Variants in AGAP1 observed in about 807,000 individuals in gnomAD.
The protein encoded by AGAP1 is ArfGAP with GTPase domain, ankyrin repeat and PH domain 1.
In AGAP1, 29 loss-of-function variants were observed where a neutral mutation model predicts 105.3. The ratio of observed to expected loss-of-function variants is 0.28; its 90% CI spans 0.21 to 0.38. The LOEUF is 0.38. AGAP1 is among the 10% of genes least tolerant of loss of function. The pLI is 1.00. For missense variants in AGAP1, 998 were observed against 1,165.1 expected, an observed-to-expected ratio of 0.86 and a Z score of 2.09; for synonymous variants, 509 against 485.9, an observed-to-expected ratio of 1.05 and a Z score of -0.63.
intron 9 of AGAP1, among the ~76,000 whole-genome samples, chr2:235,815,688 A>G (rs779979313): frequency 3.3e-5 from 5 of 152,128 alleles, no homozygotes; most frequent in African/African-American, 4.8e-5. Flanking sequence ...AAAAAGAAAA[A>G]CTTACTTGAA....
chr2:235,671,583 C>T (rs1433049152), intron 1 of AGAP1, among the ~76,000 whole-genome samples: 1 of 152,240 alleles, frequency 6.6e-6, no homozygotes, highest in Non-Finnish European at 1.5e-5. Flanking sequence ...CGGTATTGAG[C>T]TGGCTGTAAG....
At chr2:235,657,107 T>C (rs1947798199) in intron 1 of AGAP1, among the ~76,000 whole-genome samples, 1 of 152,242 alleles carries the variant, frequency 6.6e-6, no homozygotes, top group South Asian at 2.1e-4. Flanking sequence ...AATTGAGCCA[T>C]GAGGGACTCT....
Position 236,051,703 on chromosome 2 carries a change from G to C in AGAP1, c.2114+2422G>C, listed in dbSNP as rs558790225. ...CTGGCACCTTAAAAGCGACCCTGGG[G>C]GCAGGGGAGAGGGGAAGGGTTTGTC... is the stretch of plus-strand genomic sequence containing the variant. On this transcript the variant is annotated intron_variant, in intron 16 of 17. Transcript: ENST00000304032. The surrounding 1 kb of genome is among the most constrained non-coding windows in gnomAD (Gnocchi z 5.9). Among the ~76,000 whole-genome samples the C allele has an allele frequency of 6.6e-6, 1 of 152,320 alleles. No individual in the cohort carries two copies. Among genetic ancestry groups the C allele is most frequent in the South Asian group, 2.1e-4 (1 of 4,826 alleles).
At chr2:235,938,094 G>C (rs773193612) in intron 12 of AGAP1, among the ~76,000 whole-genome samples, 1 of 152,242 alleles carries the variant, frequency 6.6e-6, no homozygotes, top group Non-Finnish European at 1.5e-5. Context: ...TCCGCCTGGC[G>C]GCACGGCCGG....
intron 1 of AGAP1, among the ~76,000 whole-genome samples, chr2:235,571,377 C>T (rs1944508819): frequency 6.6e-6 from 1 of 152,184 alleles, no homozygotes; most frequent in African/African-American, 2.4e-5. Context: ...AGCCACAGGC[C>T]ACTTGTGGCT....
At chr2:235,829,959 T>G (rs1959201558) in intron 9 of AGAP1, among the ~76,000 whole-genome samples, 2 of 152,110 alleles carry the variant, frequency 1.3e-5, no homozygotes, top group South Asian at 4.2e-4. Context: ...CCGGCACATC[T>G]GGACATGGAC....
chr2:235,895,318 C>G (rs924859193), intron 10 of AGAP1, among the ~76,000 whole-genome samples: 1 of 150,904 alleles, frequency 6.6e-6, no homozygotes, highest in African/African-American at 2.4e-5. Context: ...GATGTCCGTG[C>G]CCCTGCTCTT....
In AGAP1 at chr2:235,608,117, T is replaced by C. The variant is rs1946008022; in HGVS notation, c.164-101062T>C. ...GCACGTTGACCGGGTCGTTTTTAGC[T>C]TTGCCCACTTTTCATTTTTGGCTTC... On this transcript the variant is annotated intron_variant, in intron 1 of 17. Coordinates refer to ENST00000304032, the MANE Select transcript of AGAP1 (RefSeq NM_001037131.3). This position sits in a 1 kb window ranked among gnomAD's most constrained non-coding sequence, Gnocchi z 5.4. Among the ~76,000 whole-genome samples the C allele has an allele frequency of 6.6e-6, 1 of 152,066 alleles. No individual in the cohort carries two copies. The highest frequency in any genetic ancestry group is 2.1e-4 in the South Asian group (1 of 4,816).
In AGAP1 at chr2:235,883,117, T is replaced by C. The variant is rs969071359; in HGVS notation, c.1051-228T>C. Among the ~76,000 whole-genome samples the C allele has an allele frequency of 6.6e-6, 1 of 152,130 alleles. No individual in the cohort carries two copies. The highest frequency in any genetic ancestry group is 1.5e-5 in the Non-Finnish European group (1 of 68,024). ...TTCTTTAAAACATTATACCTTTAGG[T>C]GTTTCCTGTGTGTTTAGCAGTTAAT... On this transcript the variant is annotated intron_variant, in intron 9 of 17. Transcript: ENST00000304032. This position sits in a 1 kb window ranked among gnomAD's most constrained non-coding sequence, Gnocchi z 4.5.
chr2:235,918,369 C>T (rs897433360), intron 11 of AGAP1, among the ~76,000 whole-genome samples: 21 of 152,178 alleles, frequency 1.4e-4, no homozygotes, highest in African/African-American at 4.8e-4. Flanking sequence ...GTTTTAATGT[C>T]TATTTGACAA....
chr2:235,556,325 C>T lies in AGAP1; in HGVS notation c.163+61476C>T, dbSNP rs567360041. ...CCCCTTTGTCCTTGGCCTATACCTG[C>T]CTTCTGCATTCTGGGGCTACCCTTT... On this transcript the variant is annotated intron_variant, in intron 1 of 17. Coordinates refer to ENST00000304032, the MANE Select transcript of AGAP1 (RefSeq NM_001037131.3). This position sits in a 1 kb window ranked among gnomAD's most constrained non-coding sequence, Gnocchi z 5.3. Among the ~76,000 whole-genome samples, 1 of 152,364 alleles carries T rather than the reference C, an allele frequency of 6.6e-6. No individual in the cohort carries two copies. The highest frequency in any genetic ancestry group is 2.1e-4 in the South Asian group (1 of 4,830).
At position 235,793,501 on chromosome 2, in the gene AGAP1, G is replaced by T. The variant is rs1957098526; in HGVS notation, c.674-4258G>T. Among the ~76,000 whole-genome samples the T allele has an allele frequency of 6.6e-6, 1 of 152,200 alleles. No individual in the cohort carries two copies. The highest frequency in any genetic ancestry group is 1.5e-5 in the Non-Finnish European group (1 of 68,044). ...TGGCAGGGTGTTCGATTGCCACATG[G>T]TGGTGTCATGAGCAGTCCCAGAGCC... On this transcript the variant is annotated intron_variant, in intron 6 of 17. Coordinates refer to ENST00000304032, the MANE Select transcript of AGAP1 (RefSeq NM_001037131.3). This position sits in a 1 kb window ranked among gnomAD's most constrained non-coding sequence, Gnocchi z 5.3.
intron 16 of AGAP1, among the ~76,000 whole-genome samples, chr2:236,057,315 G>C (rs946718981): frequency 6.6e-6 from 1 of 152,142 alleles, no homozygotes; most frequent in Non-Finnish European, 1.5e-5. Context: ...CAACGTGTTA[G>C]CCAGGCTGGT....
rs1159670697 is a variant in AGAP1 at position 235,865,317 on chromosome 2, A to G, written c.1051-18028A>G. Among the ~76,000 whole-genome samples the G allele has an allele frequency of 6.6e-6, 1 of 152,172 alleles. No homozygotes were observed. Among genetic ancestry groups the G allele is most frequent in the Non-Finnish European group, 1.5e-5 (1 of 68,030 alleles). On this transcript the variant is annotated intron_variant, in intron 9 of 17. Transcript: ENST00000304032. The surrounding 1 kb of genome is among the most constrained non-coding windows in gnomAD (Gnocchi z 6.2). Reference sequence around the variant, plus strand: ...CAGTGAGGTAGGAATAGACGCGGCTAATGACAGGAAGGTCGCGCGGGTGAG... The same window carrying G: ...CAGTGAGGTAGGAATAGACGCGGCTGATGACAGGAAGGTCGCGCGGGTGAG...
rs1949737924 is a variant in AGAP1 at position 235,691,596 on chromosome 2, TC to T, written c.164-17580del. On this transcript the variant is annotated intron_variant, in intron 1 of 17. Transcript: ENST00000304032. The surrounding 1 kb of genome is among the most constrained non-coding windows in gnomAD (Gnocchi z 4.4). ...ATTTGTGGATGTGAGCACAGCCAGG[TC>T]CCATGTTGACAAGTGCTGGACAGTG... Among the ~76,000 whole-genome samples the T allele has an allele frequency of 2.6e-5, 4 of 152,342 alleles. No individual in the cohort carries two copies. In the South Asian group the frequency reaches 8.3e-4, roughly 32 times the overall value.
chr2:235,592,240 C>T (rs1376854465), intron 1 of AGAP1, among the ~76,000 whole-genome samples: 2 of 152,164 alleles, frequency 1.3e-5, no homozygotes, highest in Non-Finnish European at 2.9e-5. Flanking sequence ...CTGCCCTGGC[C>T]ACCTGGATGC....
At chr2:235,913,702 G>A (rs576767986) in intron 11 of AGAP1, among the ~76,000 whole-genome samples, 1 of 152,250 alleles carries the variant, frequency 6.6e-6, no homozygotes, top group East Asian at 1.9e-4. Context: ...TTCCTCAAAT[G>A]AACTAAAGAG....
At position 236,001,984 on chromosome 2, in the gene AGAP1, G is replaced by A. The variant is rs59864030; in HGVS notation, c.1645+33361G>A. Among the ~76,000 whole-genome samples the A allele has an allele frequency of 9.4e-3, 1,429 of 152,270 alleles. 15 individuals are homozygous for A. Among genetic ancestry groups the A allele is most frequent in the African/African-American group, 0.033 (1,362 of 41,552 alleles). On this transcript the variant is annotated intron_variant, in intron 13 of 17. Coordinates refer to ENST00000304032, the MANE Select transcript of AGAP1 (RefSeq NM_001037131.3). This position sits in a 1 kb window ranked among gnomAD's most constrained non-coding sequence, Gnocchi z 4.7. ...CATCTCTGCCTGATTGGAAGCTTGC[G>A]TTGCACATTCAGCCCACGCCTCCAT...
intron 9 of AGAP1, among the ~76,000 whole-genome samples, chr2:235,847,298 G>A (rs966520965): frequency 2.0e-5 from 3 of 151,528 alleles, no homozygotes; most frequent in African/African-American, 7.3e-5. Context: ...TTTCATGTAT[G>A]GCCATTCTGG....
Sources: gnomAD v4.1 joint callset for allele counts (sites outside exome capture counted in the v4.1 genomes callset) on GRCh38, gnomAD v4.1.1 for gene constraint, Gnocchi (gnomAD v3.1) non-coding constraint, MANE v1.5 for transcripts, NCBI Gene and HGNC (gene_info 2026-07-23, HGNC 2026-07-21) for gene names.